The following IGSF10 variants were observed in gnomAD, a reference collection of about 807,000 sequenced individuals.
IGSF10 encodes immunoglobulin superfamily member 10.
IGSF10 carries 126 observed loss-of-function variants against 128.2 expected under a neutral mutation model. That is an observed-to-expected ratio of 0.98 (90% CI 0.85 to 1.14). The LOEUF (loss-of-function observed/expected upper bound fraction) is 1.14. Ranked by LOEUF, IGSF10 falls within the 50% of genes most tolerant of loss-of-function variation. The probability of loss-of-function intolerance (pLI) is 0.00; values close to 1 mark genes in which losing one functional copy is unlikely to be tolerated. For missense variants in IGSF10, 3,295 were observed against 3,149.8 expected (o/e 1.05, Z -1.10); for synonymous variants, 1,185 against 1,146.2 (o/e 1.03, Z -0.68).
chr3:151,579,138 A>G, the IGSF10 span, among the ~76,000 whole-genome samples: 1 of 152,376 alleles, frequency 6.6e-6, no homozygotes, highest in East Asian at 1.9e-4. Flanking sequence ...ATAATGCTAG[A>G]GAAATCTGAG....
chr3:151,606,456 T>C, the IGSF10 span, among the ~76,000 whole-genome samples: 3 of 152,172 alleles, frequency 2.0e-5, no homozygotes, highest in African/African-American at 7.2e-5. Context: ...TCCAGAACTC[T>C]CCCCAATGGT....
chr3:151,490,206 T>C, the IGSF10 span, among the ~76,000 whole-genome samples: 1 of 152,182 alleles, frequency 6.6e-6, no homozygotes, highest in Non-Finnish European at 1.5e-5. Context: ...AGATAGTCCA[T>C]GCAAATGGTA....
At position 151,443,144 on chromosome 3, in the gene IGSF10, C is replaced by T. The variant is rs1464402278; in HGVS notation, c.5803G>A (p.Glu1935Lys). The stretch of plus-strand genomic sequence containing the variant: ...ATCCTGGGGCTGGTCACTCGCTCTT[C>T]CATTGTAAGCATTACTACTCTTCGC... ...SERRVVMLTMEERVTSPRIEA... is the reference protein window; with the variant it reads ...SERRVVMLTMKERVTSPRIEA... The change falls in exon 7 of 8, where the codon GAA becomes AAA. Residue 1935 changes from glutamate to lysine, a missense_variant. Transcript: ENST00000282466. 2 of 1,614,142 alleles carry T rather than the reference C, an allele frequency of 1.2e-6. No individual in the cohort carries two copies. Among genetic ancestry groups the T allele is most frequent in the South Asian group, 1.1e-5 (1 of 91,090 alleles).
At chr3:151,498,603 GTATT>G in the IGSF10 span, among the ~76,000 whole-genome samples, 9 of 152,166 alleles carry the variant, frequency 5.9e-5, no homozygotes, top group African/African-American at 2.2e-4. Context: ...CTTTGAAGTG[GTATT>G]TGTTATACAA....
the IGSF10 span, among the ~76,000 whole-genome samples, chr3:151,485,770 C>T: frequency 6.6e-6 from 1 of 152,152 alleles, no homozygotes; most frequent in Non-Finnish European, 1.5e-5. Flanking sequence ...TTGTCACCAT[C>T]AGGCCTGCCT....
chr3:151,578,919 G>A, the IGSF10 span, among the ~76,000 whole-genome samples: 1 of 152,116 alleles, frequency 6.6e-6, no homozygotes, highest in Non-Finnish European at 1.5e-5. Context: ...CCAAGACTGA[G>A]GATAAAGAAA....
chr3:151,564,458 CT>C, the IGSF10 span, among the ~76,000 whole-genome samples: 1 of 151,886 alleles, frequency 6.6e-6, no homozygotes, highest in South Asian at 2.1e-4. Context: ...TCCTTTCTTT[CT>C]TTTTTTCTTT....
chr3:151,497,682 C>T, the IGSF10 span, among the ~76,000 whole-genome samples: 72,747 of 151,796 alleles, frequency 0.48, 17,786 homozygotes, highest in African/African-American at 0.57. Context: ...TCCATATGAA[C>T]TTTAAAGCAG....
At chr3:151,528,332 C>T in the IGSF10 span, among the ~76,000 whole-genome samples, 1 of 152,078 alleles carries the variant, frequency 6.6e-6, no homozygotes, top group Non-Finnish European at 1.5e-5. Context: ...GGGCCTAAAG[C>T]TCATATAATT....
Position 151,445,966 on chromosome 3 carries a change from ATC to A in IGSF10, c.4013_4014del (p.Arg1338IlefsTer2), listed in dbSNP as rs772477838. 10 of 1,614,138 alleles carry A rather than the reference ATC, an allele frequency of 6.2e-6. No individual in the cohort carries two copies. The highest frequency in any genetic ancestry group is 1.7e-5 in the Admixed American group (1 of 60,022). On this transcript the variant is annotated frameshift_variant, in exon 6 of 8. Coordinates refer to ENST00000282466, the MANE Select transcript of IGSF10 (RefSeq NM_178822.5). LOFTEE classifies it high-confidence loss of function. ...TCTCTTTGTATTGTTTGTGCTCTAG[ATC>A]TCTCTGTTTGGGTTTCATAAGTGAT... The part of the protein sequence containing the change: ...SVITYETQTE[R>X]SRAQTIQREQ...
At chr3:151,439,425 C>A (rs1720700966) in intron 7 of IGSF10, among the ~76,000 whole-genome samples, 1 of 152,118 alleles carries the variant, frequency 6.6e-6, no homozygotes, top group African/African-American at 2.4e-5. Flanking sequence ...CTAGCCTGGC[C>A]AACATGGCAA....
chr3:151,520,355 T>C, the IGSF10 span, among the ~76,000 whole-genome samples: 9 of 151,990 alleles, frequency 5.9e-5, no homozygotes, highest in East Asian at 1.9e-4. Context: ...AGTAGTCCTA[T>C]TGCAGTTTAA....
chr3:151,585,618 T>A, the IGSF10 span, among the ~76,000 whole-genome samples: 1 of 152,230 alleles, frequency 6.6e-6, no homozygotes, highest in Non-Finnish European at 1.5e-5. Flanking sequence ...ATTATTCTCT[T>A]CTGCCTGTAA....
At chr3:151,514,644 G>A in the IGSF10 span, among the ~76,000 whole-genome samples, 1 of 152,128 alleles carries the variant, frequency 6.6e-6, no homozygotes, top group African/African-American at 2.4e-5. Flanking sequence ...AAGAGCTTCT[G>A]CACAGCAAAA....
chr3:151,439,129 G>A (rs533071022), intron 7 of IGSF10, among the ~76,000 whole-genome samples: 5 of 152,154 alleles, frequency 3.3e-5, no homozygotes, highest in Non-Finnish European at 4.4e-5. Flanking sequence ...AGAGGCACAT[G>A]CTAGAAATAT....
At chr3:151,483,320 TAG>T in the IGSF10 span, among the ~76,000 whole-genome samples, 1 of 152,190 alleles carries the variant, frequency 6.6e-6, no homozygotes, top group South Asian at 2.1e-4. Context: ...GATAAAAACC[TAG>T]AGTTTCATTA....
the IGSF10 span, among the ~76,000 whole-genome samples, chr3:151,614,518 G>A: frequency 6.6e-6 from 1 of 152,160 alleles, no homozygotes; most frequent in Non-Finnish European, 1.5e-5. Context: ...CATGTCCTTT[G>A]TAGGGACATG....
At chr3:151,524,536 G>A in the IGSF10 span, among the ~76,000 whole-genome samples, 1 of 152,042 alleles carries the variant, frequency 6.6e-6, no homozygotes, top group South Asian at 2.1e-4. Flanking sequence ...AACAGAAAAC[G>A]AAATACCACA....
At chr3:151,503,470 A>G in the IGSF10 span, among the ~76,000 whole-genome samples, 1 of 152,200 alleles carries the variant, frequency 6.6e-6, no homozygotes, top group East Asian at 1.9e-4. Flanking sequence ...ATACTTATAT[A>G]CAATAAAAAT....
Sources: allele counts gnomAD v4.1 joint callset (sites outside exome capture counted in the v4.1 genomes callset), GRCh38; gene constraint gnomAD v4.1.1; transcripts MANE v1.5; gene names NCBI Gene and HGNC (gene_info 2026-07-23, HGNC 2026-07-21).